The following MED1 variants were observed in gnomAD, a reference collection of about 807,000 sequenced individuals.
MED1 encodes the protein mediator complex subunit 1, also known as mediator of RNA polymerase II transcription subunit 1.
Under a neutral mutation model 121.3 loss-of-function variants are expected in MED1, and 17 were observed. The ratio of observed to expected loss-of-function variants is 0.14; its 90% CI spans 0.10 to 0.21. The LOEUF (loss-of-function observed/expected upper bound fraction) is 0.21. Among genes scored for constraint, MED1 ranks in the 10% least tolerant of loss-of-function variants. The probability of loss-of-function intolerance (pLI) is 1.00; values close to 1 mark genes in which losing one functional copy is unlikely to be tolerated. For missense variants in MED1, 1,558 were observed against 1,919.4 expected, an observed-to-expected ratio of 0.81 and a Z score of 3.52; for synonymous variants, 661 against 694.4, an observed-to-expected ratio of 0.95 and a Z score of 0.76.
intron 13 of MED1, among the ~76,000 whole-genome samples, chr17:39,421,037 C>A (rs917979322): frequency 4.6e-5 from 7 of 151,508 alleles, no homozygotes; most frequent in African/African-American, 1.7e-4. Context: ...ACCTCATGAT[C>A]TGCCCGCCTC....
At chr17:39,434,182 GC>G in intron 7 of MED1, 66 bp downstream of exon 7, 4 of 1,100,592 alleles carry the variant, frequency 3.6e-6, no homozygotes, top group Non-Finnish European at 5.3e-6. Context: ...AAATTTCTAG[GC>G]ATAAGGTGGC....
rs571008299 is a variant in MED1, at chr17:39,405,621, C to A, written c.*1854G>T. 5 of 1,118,488 alleles carry A rather than the reference C, an allele frequency of 4.5e-6. No individual in the cohort carries two copies. The South Asian group carries it at 1.4e-4, about 32-fold the overall frequency. 69.3% of individuals were successfully genotyped at this position (1,118,488 alleles called of 1,614,324 possible). ...CCTGCCCATATCCTCCTTAGTGTCA[C>A]CCAAGACATTTGACTCTGATGTGGT... On this transcript the variant is annotated 3_prime_UTR_variant, in exon 17 of 17. Transcript: ENST00000300651.
At chr17:39,415,437 G>C in intron 14 of MED1, 98 bp from the exon 15 acceptor site, 1 of 1,033,606 alleles carries the variant, frequency 9.7e-7, no homozygotes, top group Non-Finnish European at 1.4e-6. Context: ...AGTTTGGGAG[G>C]CCAAGGCAGG....
chr17:39,424,704 T>A lies in MED1; in HGVS notation c.774A>T (p.Thr258=). 6.2e-7 allele frequency: 1 copy of A among 1,611,242 alleles called. No homozygotes were observed. The highest frequency in any genetic ancestry group is 8.5e-7 in the Non-Finnish European group (1 of 1,178,472). The change falls in exon 11 of 17, where the codon ACA becomes ACT. Residue 258 remains threonine, a synonymous_variant. Transcript: ENST00000300651. ...TGTACACAGCAGATGTTCCTTCAAT[T>A]GTCACTGATGCATTCATGCCCAAAG... ...SRSLGMNASV[T]IEGTSAVYKL...
intron 1 of MED1, among the ~76,000 whole-genome samples, chr17:39,449,807 G>GT (rs2048764259): frequency 7.7e-6 from 1 of 129,386 alleles, no homozygotes. Context: ...ACCACACCCG[G>GT]CCTTTTTTTT....
At chr17:39,422,151 A>G (rs1264764974) in intron 13 of MED1, among the ~76,000 whole-genome samples, 1 of 149,456 alleles carries the variant, frequency 6.7e-6, no homozygotes, top group Non-Finnish European at 1.5e-5. Context: ...AAAGTCTATC[A>G]CCCAAAATTT....
chr17:39,414,647 T>A, intron 16 of MED1, among the ~76,000 whole-genome samples: 1 of 107,236 alleles, frequency 9.3e-6, no homozygotes, highest in East Asian at 2.6e-4. Context: ...TTTTTTTTTT[T>A]TTTTTTTTTT....
chr17:39,431,228 CT>C, intron 8 of MED1, 40 bp from the exon 9 acceptor site: 1 of 1,514,148 alleles, frequency 6.6e-7, no homozygotes, highest in Non-Finnish European at 9.2e-7. Context: ...TATTTAATCC[CT>C]GATGGTCTTG....
Position 39,406,697 on chromosome 17 carries a change from T to C in MED1, c.*778A>G, listed in dbSNP as rs760034766. On this transcript the variant is annotated 3_prime_UTR_variant, in exon 17 of 17. Coordinates refer to ENST00000300651, the MANE Select transcript of MED1 (RefSeq NM_004774.4). ...AAATATCATTTTGGTTTTTCTATTATATTTAACTCTAAAGGCGGGCTCTGA... is the reference window on the plus strand; with the variant it reads ...AAATATCATTTTGGTTTTTCTATTACATTTAACTCTAAAGGCGGGCTCTGA... The C allele has an allele frequency of 4.0e-4, 392 of 985,272 alleles. No homozygotes were observed. Among genetic ancestry groups the C allele is most frequent in the Non-Finnish European group, 4.6e-4 (382 of 829,832 alleles). 61.0% of individuals were successfully genotyped at this position (985,272 alleles called of 1,614,324 possible). A position where few individuals can be genotyped will look rare whatever the true frequency, so the allele number is the denominator to read the frequency against.
chr17:39,446,666 C>CG (rs984089224), intron 2 of MED1, among the ~76,000 whole-genome samples: 55 of 151,170 alleles, frequency 3.6e-4, no homozygotes, highest in Non-Finnish European at 6.2e-4. Flanking sequence ...CCCGGCTACT[C>CG]GGGAGGCTGA....
At chr17:39,423,995 A>G (rs1293583278) in intron 11 of MED1, among the ~76,000 whole-genome samples, 174 bp from the exon 12 acceptor site, 3 of 151,666 alleles carry the variant, frequency 2.0e-5, no homozygotes, top group African/African-American at 7.3e-5. Flanking sequence ...GGATTCTCCT[A>G]TCTCAGCTTC....
intron 13 of MED1, among the ~76,000 whole-genome samples, chr17:39,421,931 A>G (rs2048468967): frequency 6.6e-6 from 1 of 151,584 alleles, no homozygotes; most frequent in African/African-American, 2.4e-5. Context: ...GATCGAGACC[A>G]TCCTGGCTAA....
At chr17:39,417,045 A>T (rs922157289) in intron 14 of MED1, among the ~76,000 whole-genome samples, 3 of 152,044 alleles carry the variant, frequency 2.0e-5, no homozygotes, top group African/African-American at 7.2e-5. Context: ...ATCAAGAAAA[A>T]AAAGTCCAGG....
In MED1 at chr17:39,424,733, G is replaced by A; in HGVS notation, c.745C>T (p.Arg249Ter). 1.3e-6 allele frequency: 2 copies of A among 1,582,244 alleles called. No individual in the cohort carries two copies. Among genetic ancestry groups the A allele is most frequent in the Non-Finnish European group, 8.7e-7 (1 of 1,153,926 alleles). ...ACTGATGCATTCATGCCCAAAGATC[G>A]AGAAACTGGGGATAGGAAAGAAAAA... ...PIILHENNVS[R>*]SLGMNASVTI... Residue 249 changes from arginine (R) to a stop codon, truncating the protein, a stop_gained, in exon 11 of 17, where the codon CGA becomes TGA. Transcript: ENST00000300651. LOFTEE classifies it high-confidence loss of function.
intron 16 of MED1, among the ~76,000 whole-genome samples, chr17:39,414,730 C>T (rs921677399): frequency 5.9e-5 from 8 of 134,512 alleles, no homozygotes; most frequent in East Asian, 2.4e-4. Flanking sequence ...AGTGCAATGG[C>T]GCAATCTTGG....
chr17:39,448,727 C>T (rs942622137), intron 1 of MED1, among the ~76,000 whole-genome samples: 5 of 151,888 alleles, frequency 3.3e-5, no homozygotes, highest in Non-Finnish European at 4.4e-5. Context: ...CTGACCAACA[C>T]GGAGAAACCC....
intron 14 of MED1, among the ~76,000 whole-genome samples, chr17:39,419,187 C>T (rs1365677265): frequency 6.6e-6 from 1 of 151,932 alleles, no homozygotes; most frequent in East Asian, 1.9e-4. Context: ...GCTCAAGCGA[C>T]AATCCTCCTG....
Position 39,406,437 on chromosome 17 carries a change from T to A in MED1, c.*1038A>T. ...TGCTGGGATGCAGACTTTTGGCACA[T>A]TGTGGAAGTAGGAGAACTATTAATC... is the stretch of plus-strand genomic sequence containing the variant. On this transcript the variant is annotated 3_prime_UTR_variant, in exon 17 of 17. Coordinates refer to ENST00000300651, the MANE Select transcript of MED1 (RefSeq NM_004774.4). 1.0e-6 allele frequency: 1 copy of A among 985,402 alleles called. No homozygotes were observed. The highest frequency in any genetic ancestry group is 1.2e-6 in the Non-Finnish European group (1 of 829,926). 61.0% of individuals were successfully genotyped at this position (985,402 alleles called of 1,614,324 possible).
At chr17:39,421,666 G>A (rs1002304563) in intron 13 of MED1, among the ~76,000 whole-genome samples, 1 of 152,078 alleles carries the variant, frequency 6.6e-6, no homozygotes, top group Non-Finnish European at 1.5e-5. Context: ...TGGGATTACA[G>A]GTGTGAGTCA....
Sources: gnomAD v4.1 joint callset for allele counts (sites outside exome capture counted in the v4.1 genomes callset) on GRCh38, gnomAD v4.1.1 for gene constraint, MANE v1.5 for transcripts, NCBI Gene and HGNC (gene_info 2026-07-23, HGNC 2026-07-21) for gene names.